The following SLC4A10 variants were observed in gnomAD, a reference collection of about 807,000 sequenced individuals.
The protein encoded by SLC4A10 is solute carrier family 4 member 10.
In SLC4A10, 42 loss-of-function variants were observed where a neutral mutation model predicts 137.7. The ratio of observed to expected loss-of-function variants is 0.30; its 90% confidence interval spans 0.24 to 0.39. The LOEUF (loss-of-function observed/expected upper bound fraction) is 0.39, where lower values mean the gene tolerates loss of function less well. Among genes scored for constraint, SLC4A10 ranks in the 10% least tolerant of loss-of-function variants. The pLI is 1.00. For missense variants in SLC4A10, 925 were observed against 1,355.0 expected, an observed-to-expected ratio of 0.68 and a Z score of 4.98; for synonymous variants, 474 against 464.1, an observed-to-expected ratio of 1.02 and a Z score of -0.27.
chr2:161,952,026 T>C (rs1694891680), intron 19 of SLC4A10, among the ~76,000 whole-genome samples: 1 of 152,162 alleles, frequency 6.6e-6, no homozygotes, highest in South Asian at 2.1e-4. Flanking sequence ...AAACCTGTTT[T>C]AGGAAGAAAG....
At chr2:161,799,728 T>C (rs192817545) in intron 2 of SLC4A10, among the ~76,000 whole-genome samples, 10 of 152,102 alleles carry the variant, frequency 6.6e-5, no homozygotes, top group Non-Finnish European at 1.0e-4. Context: ...AGTAGGTCTT[T>C]AATATCTATG....
At chr2:161,672,961 A>T (rs2039895883) in intron 1 of SLC4A10, among the ~76,000 whole-genome samples, 1 of 152,230 alleles carries the variant, frequency 6.6e-6, no homozygotes, top group Admixed American at 6.5e-5. Context: ...GTAGGTCATC[A>T]AATAAAGGTC....
chr2:161,915,453 TG>T (rs1686913295), intron 15 of SLC4A10, among the ~76,000 whole-genome samples: 2 of 152,196 alleles, frequency 1.3e-5, no homozygotes, highest in African/African-American at 4.8e-5. Flanking sequence ...CTCAAAATTT[TG>T]GTACTCAAAC....
At chr2:161,924,029 G>A (rs1688625790) in intron 15 of SLC4A10, among the ~76,000 whole-genome samples, 1 of 151,954 alleles carries the variant, frequency 6.6e-6, no homozygotes, top group Non-Finnish European at 1.5e-5. Context: ...CAAAAGAAAC[G>A]TTTTGCATTA....
intron 15 of SLC4A10, among the ~76,000 whole-genome samples, chr2:161,929,194 T>G (rs1689852970): frequency 6.6e-6 from 1 of 152,182 alleles, no homozygotes; most frequent in African/African-American, 2.4e-5. Context: ...TATTACTAAT[T>G]TACTTCAACG....
chr2:161,673,505 A>C (rs1364762040), intron 1 of SLC4A10, among the ~76,000 whole-genome samples: 2 of 152,198 alleles, frequency 1.3e-5, no homozygotes, highest in African/African-American at 4.8e-5. Flanking sequence ...TAAAAGGTAC[A>C]ATCTGGTAAG....
intron 5 of SLC4A10, among the ~76,000 whole-genome samples, chr2:161,859,362 C>T (rs1328477597): frequency 2.0e-5 from 3 of 149,112 alleles, no homozygotes; most frequent in Non-Finnish European, 3.0e-5. Context: ...GCGATCTCAG[C>T]TCACTGCAGC....
At position 161,843,596 on chromosome 2, in the gene SLC4A10, C is replaced by T. The variant is rs771002095; in HGVS notation, c.416+3669C>T. The stretch of plus-strand genomic sequence containing the variant: ...GGCAGAACATATTTATTGAGGATTT[C>T]GAAAAGTAACAGGTTTTAAAGTGGC... On this transcript the variant is annotated intron_variant, in intron 4 of 26. Transcript: ENST00000446997. Among the ~76,000 whole-genome samples the T allele has an allele frequency of 3.3e-5, 5 of 152,078 alleles. 1 individual carries two copies. In the East Asian group the frequency reaches 5.8e-4, roughly 18 times the overall value.
At chr2:161,754,628 C>T (rs2049382788) in intron 1 of SLC4A10, among the ~76,000 whole-genome samples, 1 of 152,144 alleles carries the variant, frequency 6.6e-6, no homozygotes, top group Admixed American at 6.5e-5. Context: ...TGTAACATTT[C>T]TGTAGGATTT....
chr2:161,929,611 T>G (rs2105607585), intron 15 of SLC4A10, among the ~76,000 whole-genome samples: 1 of 152,252 alleles, frequency 6.6e-6, no homozygotes, highest in Non-Finnish European at 1.5e-5. Flanking sequence ...GCCAGCTAGG[T>G]CATTTCTGCT....
chr2:161,853,349 T>C (rs2059930700), intron 4 of SLC4A10, among the ~76,000 whole-genome samples: 1 of 152,186 alleles, frequency 6.6e-6, no homozygotes, highest in Admixed American at 6.5e-5. Context: ...AGTCTTCACC[T>C]TGAACTTTGC....
chr2:161,834,656 C>T lies in SLC4A10; in HGVS notation c.278-5133C>T, dbSNP rs1347572753. Among the ~76,000 whole-genome samples, 5 of 133,318 alleles carry T rather than the reference C, an allele frequency of 3.8e-5. No individual in the cohort carries two copies. In the East Asian group the frequency reaches 9.6e-4, roughly 26 times the overall value. The allele number at this position is 133,318 out of a possible 152,430, so 87.5% of individuals were successfully genotyped here. On this transcript the variant is annotated intron_variant, in intron 3 of 26. Coordinates refer to ENST00000446997, the MANE Select transcript of SLC4A10 (RefSeq NM_001178015.2). ...GAAACATCAGGGAAAGATCCTTTATCGCCTACACACACACACACACACACA... is the reference window on the plus strand; with the variant it reads ...GAAACATCAGGGAAAGATCCTTTATTGCCTACACACACACACACACACACA...
intron 3 of SLC4A10, among the ~76,000 whole-genome samples, chr2:161,831,958 G>A (rs1171230371): frequency 3.3e-5 from 5 of 152,108 alleles, no homozygotes; most frequent in Non-Finnish European, 1.5e-5. Flanking sequence ...CTTTGTGCCT[G>A]TCTGTCTTTA....
chr2:161,677,200 T>C (rs771871447), intron 1 of SLC4A10, among the ~76,000 whole-genome samples: 1 of 152,050 alleles, frequency 6.6e-6, no homozygotes, highest in Non-Finnish European at 1.5e-5. Context: ...TTCCCCTCTC[T>C]CTCAGTCCCT....
intron 1 of SLC4A10, among the ~76,000 whole-genome samples, chr2:161,687,727 G>A (rs2041589635): frequency 6.6e-6 from 1 of 152,082 alleles, no homozygotes; most frequent in Non-Finnish European, 1.5e-5. Context: ...GAATCAGGGG[G>A]GCAATTTCCC....
At chr2:161,643,769 T>TA (rs2035628017) in intron 1 of SLC4A10, among the ~76,000 whole-genome samples, 1 of 152,214 alleles carries the variant, frequency 6.6e-6, no homozygotes, top group Admixed American at 6.5e-5. Flanking sequence ...CATTCTTTTC[T>TA]ATCATGAAGT....
At chr2:161,810,785 T>C (rs982864689) in intron 3 of SLC4A10, among the ~76,000 whole-genome samples, 4 of 152,036 alleles carry the variant, frequency 2.6e-5, no homozygotes, top group African/African-American at 9.7e-5. Context: ...TTGTTGAGGA[T>C]TTTGTGTCTA....
At chr2:161,925,684 C>CA (rs1159429376) in intron 15 of SLC4A10, among the ~76,000 whole-genome samples, 1 of 151,970 alleles carries the variant, frequency 6.6e-6, no homozygotes, top group Non-Finnish European at 1.5e-5. Context: ...CTCTTGTGGG[C>CA]ATTTAGTGCT....
At chr2:161,640,130 G>T (rs1301435590) in intron 1 of SLC4A10, among the ~76,000 whole-genome samples, 8 of 152,032 alleles carry the variant, frequency 5.3e-5, no homozygotes, top group Admixed American at 3.3e-4. Flanking sequence ...ATTTATTTCA[G>T]TAAGGACTCA....
Sources: allele counts gnomAD v4.1 joint callset (sites outside exome capture counted in the v4.1 genomes callset), GRCh38; gene constraint gnomAD v4.1.1; transcripts MANE v1.5; gene names NCBI Gene and HGNC (gene_info 2026-07-23, HGNC 2026-07-21).